The following ZNF165 variants were observed in gnomAD, a reference collection of about 807,000 sequenced individuals.
ZNF165 encodes zinc finger protein 165, also known as cancer/testis antigen 53.
In ZNF165, 14 loss-of-function variants were observed where a neutral mutation model predicts 19.6. That is an observed-to-expected ratio of 0.71 (90% CI 0.47 to 1.12). The LOEUF (loss-of-function observed/expected upper bound fraction) is 1.12, where lower values mean the gene tolerates loss of function less well. Ranked by LOEUF, ZNF165 falls within the 50% of genes most tolerant of loss-of-function variation. The probability of loss-of-function intolerance (pLI) is 0.00; values close to 1 mark genes in which losing one functional copy is unlikely to be tolerated. For missense variants in ZNF165, 504 were observed against 566.3 expected (o/e 0.89, Z 1.12); for synonymous variants, 165 against 195.0 (o/e 0.85, Z 1.28).
intron 1 of ZNF165, chr6:28,081,246 C>G (rs1764148411): frequency 6.6e-6 from 1 of 152,282 alleles, no homozygotes. Context: ...GGCTGTCCTA[C>G]TGATCCTGAA....
chr6:28,089,499 G>A lies in ZNF165; in HGVS notation c.*29G>A. 1.3e-6 allele frequency: 2 copies of A among 1,523,398 alleles called. No individual in the cohort carries two copies. The highest frequency in any genetic ancestry group is 8.8e-7 in the Non-Finnish European group (1 of 1,136,392). 94.4% of individuals were successfully genotyped at this position (1,523,398 alleles called of 1,614,324 possible). A position where few individuals can be genotyped will look rare whatever the true frequency, so the allele number is the denominator to read the frequency against. Reference sequence around the variant, plus strand: ...ACTTAAATTTGTAAGTAAATGCTGAGGAAATGGCACAATATGAAAAATATT... The same window carrying A: ...ACTTAAATTTGTAAGTAAATGCTGAAGAAATGGCACAATATGAAAAATATT... On this transcript the variant is annotated 3_prime_UTR_variant, in exon 4 of 4. Transcript: ENST00000683778.
At chr6:28,082,735 T>G (rs1034699796) in intron 1 of ZNF165, among the ~76,000 whole-genome samples, 2 of 152,240 alleles carry the variant, frequency 1.3e-5, no homozygotes, top group African/African-American at 4.8e-5. Context: ...GGGGCCAGTT[T>G]ATGGCCAGAT....
At chr6:28,082,619 G>A (rs968087160) in intron 1 of ZNF165, among the ~76,000 whole-genome samples, 1 of 152,246 alleles carries the variant, frequency 6.6e-6, no homozygotes. Flanking sequence ...GGTGGGCCAG[G>A]TGTTCCTTGC....
chr6:28,089,429 C>G lies in ZNF165; in HGVS notation c.1417C>G (p.Gln473Glu). The G allele has an allele frequency of 6.2e-7, 1 of 1,611,392 alleles. No individual in the cohort carries two copies. Among genetic ancestry groups the G allele is most frequent in the East Asian group, 2.2e-5 (1 of 44,838 alleles). The change falls in exon 4 of 4, where the codon CAA (glutamine) becomes GAA (glutamate). Residue 473 changes from glutamine to glutamate, a missense_variant. By Grantham distance (29) the Gln-to-Glu change is conservative. Coordinates refer to ENST00000683778, the MANE Select transcript of ZNF165 (RefSeq NM_001376491.1). ...CTTCAGTCAGAGCTCAAACCTTAGT[C>G]AACACCAGAGAATTCACATGAGGGA... is the stretch of plus-strand genomic sequence containing the variant. ...RAFSQSSNLS[Q>E]HQRIHMRENL...
At chr6:28,086,063 G>A (rs1282992809) in intron 2 of ZNF165, 109 bp from the exon 3 acceptor site, 4 of 1,519,736 alleles carry the variant, frequency 2.6e-6, no homozygotes, top group South Asian at 1.3e-5. Context: ...AATCAGACTC[G>A]ATTCTTCCTT....
Position 28,080,757 on chromosome 6 carries a change from A to G in ZNF165, c.-214A>G, listed in dbSNP as rs9380049. Reference sequence around the variant, plus strand: ...CAAGACACACTACTACAATGGAGAAAAAAGATGCCCCCTCCTTCAAGCCCT... The same window carrying G: ...CAAGACACACTACTACAATGGAGAAGAAAGATGCCCCCTCCTTCAAGCCCT... On this transcript the variant is annotated 5_prime_UTR_variant, in exon 1 of 4. Transcript: ENST00000683778. 0.24 allele frequency: 35,714 copies of G among 151,676 alleles called. 4,380 individuals carry two copies. The highest frequency in any genetic ancestry group is 0.3 in the African/African-American group (12,411 of 41,258). The allele number at this position is 151,676 out of a possible 1,614,324, so 9.4% of individuals were successfully genotyped here.
chr6:28,089,392 G>A lies in ZNF165; in HGVS notation c.1380G>A (p.Glu460=). 1 of 1,614,196 alleles carries A rather than the reference G, an allele frequency of 6.2e-7. No individual in the cohort carries two copies. ...HTGEKPYECS[E]CGRAFSQSSN... The stretch of plus-strand genomic sequence containing the variant: ...GAGAAAAACCCTATGAATGCAGTGA[G>A]TGTGGAAGAGCCTTCAGTCAGAGCT... The change falls in exon 4 of 4, where the codon GAG becomes GAA. Residue 460 remains glutamate (E), a synonymous_variant. Coordinates refer to ENST00000683778, the MANE Select transcript of ZNF165 (RefSeq NM_001376491.1).
chr6:28,088,142 T>C (rs1010593258), intron 3 of ZNF165, among the ~76,000 whole-genome samples: 7 of 152,246 alleles, frequency 4.6e-5, no homozygotes, highest in Admixed American at 1.3e-4. Flanking sequence ...CAGTCACTTA[T>C]AGCTTTACTT....
chr6:28,088,603 A>C lies in ZNF165; in HGVS notation c.591A>C (p.Glu197Asp). 1 of 1,610,902 alleles carries C rather than the reference A, an allele frequency of 6.2e-7. No individual in the cohort carries two copies. Among genetic ancestry groups the C allele is most frequent in the Non-Finnish European group, 8.5e-7 (1 of 1,179,164 alleles). ...ACAGTAGATCCATGCCAAAGCTGGA[A>C]ATTTTTGAAAAAATTGAATCACAGA... is the stretch of plus-strand genomic sequence containing the variant. ...SENSRSMPKL[E>D]IFEKIESQRI... The change falls in exon 4 of 4, where the codon GAA becomes GAC. Residue 197 changes from glutamate (E) to aspartate (D), a missense_variant. By Grantham distance (45) the Glu-to-Asp change is conservative. Transcript: ENST00000683778.
At chr6:28,086,140 T>G in intron 2 of ZNF165, 32 bp from the exon 3 acceptor site, 1 of 1,589,130 alleles carries the variant, frequency 6.3e-7, no homozygotes, top group African/African-American at 1.4e-5. Context: ...AGGGATTCTT[T>G]TATAAGCCCA....
chr6:28,083,360 AAAC>A (rs1764198408), intron 1 of ZNF165, among the ~76,000 whole-genome samples: 1 of 152,158 alleles, frequency 6.6e-6, no homozygotes, highest in African/African-American at 2.4e-5. Flanking sequence ...TAGTTTCAGT[AAAC>A]AACCTTTTCC....
chr6:28,085,410 C>A, intron 1 of ZNF165, 71 bp from the exon 2 acceptor site: 1 of 1,458,840 alleles, frequency 6.9e-7, no homozygotes, highest in Non-Finnish European at 9.3e-7. Context: ...AACTTTTGAT[C>A]CCTCAGGAGG....
intron 1 of ZNF165, among the ~76,000 whole-genome samples, chr6:28,084,012 T>G (rs1335537734): frequency 6.6e-6 from 1 of 152,230 alleles, no homozygotes; most frequent in Non-Finnish European, 1.5e-5. Flanking sequence ...TATTTCTTTC[T>G]CTCCCGCATC....
chr6:28,087,125 T>C (rs1273921998), intron 3 of ZNF165, among the ~76,000 whole-genome samples: 5 of 152,234 alleles, frequency 3.3e-5, no homozygotes, highest in Non-Finnish European at 7.3e-5. Context: ...AGAATACTCA[T>C]CTCTGTTCTA....
intron 1 of ZNF165, among the ~76,000 whole-genome samples, chr6:28,083,433 C>T (rs1042958456): frequency 6.6e-6 from 1 of 152,178 alleles, no homozygotes; most frequent in African/African-American, 2.4e-5. Flanking sequence ...TCCTGAGTCA[C>T]CCCTGGTCAT....
chr6:28,086,296 T>G lies in ZNF165; in HGVS notation c.536T>G (p.Leu179Arg). ...CATTTTGATTCATCAGAACCCCAGC[T>G]CCTATGGGACTGTGGTGAGGGGCAG... Reference protein sequence around the residue: ...KAHFDSSEPQLLWDCDNESEN... With the variant: ...KAHFDSSEPQRLWDCDNESEN... The change falls in exon 3 of 4, where the codon CTC (leucine) becomes CGC (arginine). Residue 179 changes from leucine to arginine, a missense_variant. Coordinates refer to ENST00000683778, the MANE Select transcript of ZNF165 (RefSeq NM_001376491.1). 1 of 1,613,932 alleles carries G rather than the reference T, an allele frequency of 6.2e-7. No homozygotes were observed. The highest frequency in any genetic ancestry group is 8.5e-7 in the Non-Finnish European group (1 of 1,179,916).
Position 28,088,888 on chromosome 6 carries a change from T to C in ZNF165, c.876T>C (p.Cys292=). ...NSNEFTHQKS[C]KHGTCDQSFK... ...ATGAATTCACACACCAGAAATCTTG[T>C]AAACATGGTACCTGTGACCAGAGCT... is the stretch of plus-strand genomic sequence containing the variant. Residue 292 remains cysteine, a synonymous_variant, in exon 4 of 4, where the codon TGT becomes TGC. Coordinates refer to ENST00000683778, the MANE Select transcript of ZNF165 (RefSeq NM_001376491.1). The C allele has an allele frequency of 6.2e-7, 1 of 1,614,178 alleles. No homozygotes were observed. The highest frequency in any genetic ancestry group is 1.6e-4 in the Middle Eastern group (1 of 6,062).
rs113324755 is a variant in ZNF165, at chr6:28,088,970, C to A, written c.958C>A (p.His320Asn). The part of the protein sequence containing the change: ...HQIIYAGEKN[H>N]QYGKSFKSPK... Reference sequence around the variant, plus strand: ...AATAATTTATGCTGGAGAAAAAAATCACCAATATGGAAAATCTTTCAAGAG... The same window carrying A: ...AATAATTTATGCTGGAGAAAAAAATAACCAATATGGAAAATCTTTCAAGAG... Residue 320 changes from histidine (H) to asparagine (N), a missense_variant, in exon 4 of 4, where the codon CAC becomes AAC. Coordinates refer to ENST00000683778, the MANE Select transcript of ZNF165 (RefSeq NM_001376491.1). 2 of 1,614,024 alleles carry A rather than the reference C, an allele frequency of 1.2e-6. No individual in the cohort carries two copies. The highest frequency in any genetic ancestry group is 2.2e-5 in the East Asian group (1 of 44,894).
chr6:28,083,137 C>T (rs1764193579), intron 1 of ZNF165, among the ~76,000 whole-genome samples: 1 of 152,232 alleles, frequency 6.6e-6, no homozygotes, highest in African/African-American at 2.4e-5. Context: ...CCAGCCATCA[C>T]ACCCTGCAAG....
Sources: allele counts gnomAD v4.1 joint callset (sites outside exome capture counted in the v4.1 genomes callset), GRCh38; gene constraint gnomAD v4.1.1; transcripts MANE v1.5; gene names NCBI Gene and HGNC (gene_info 2026-07-23, HGNC 2026-07-21).